Variants in GLT8D2 observed in about 807,000 individuals in gnomAD.
GLT8D2 encodes glycosyltransferase 8 domain-containing protein 2.
Under a neutral mutation model 44.5 loss-of-function variants are expected in GLT8D2, and 45 were observed. That is an observed-to-expected ratio of 1.01 (90% CI 0.80 to 1.30). The LOEUF (loss-of-function observed/expected upper bound fraction) is 1.30, where lower values mean the gene tolerates loss of function less well. Ranked by LOEUF, GLT8D2 falls within the 50% of genes most tolerant of loss-of-function variation. The pLI is 0.00. For synonymous variants in GLT8D2, 156 were observed against 157.2 expected, an observed-to-expected ratio of 0.99 and a Z score of 0.06; for missense variants, 400 against 430.4, an observed-to-expected ratio of 0.93 and a Z score of 0.62.
rs890911570 is a variant in GLT8D2 at position 104,002,209 on chromosome 12, T to C, written c.284+926A>G. On this transcript the variant is annotated intron_variant, in intron 5 of 10. Transcript: ENST00000360814. ...CCTGATCCCAAGTCATCCTTTTTCCTTGGCTTCCCAAAGTGTTGGAAATAT... is the reference window on the plus strand; with the variant it reads ...CCTGATCCCAAGTCATCCTTTTTCCCTGGCTTCCCAAAGTGTTGGAAATAT... 3.3e-5 allele frequency among the ~76,000 whole-genome samples: 5 copies of C among 152,334 alleles called. No homozygotes were observed. The East Asian group carries it at 9.6e-4, about 29-fold the overall frequency.
At chr12:104,037,869 T>C (rs942855692) in intron 1 of GLT8D2, among the ~76,000 whole-genome samples, 4 of 152,190 alleles carry the variant, frequency 2.6e-5, no homozygotes, top group Non-Finnish European at 5.9e-5. Context: ...CCAATATCCC[T>C]TATGAACATC....
rs543424156 is a variant in GLT8D2, at chr12:103,996,939, A to G, written c.488-92T>C. 131 of 770,242 alleles carry G rather than the reference A, an allele frequency of 1.7e-4. 1 individual carries two copies. In the South Asian group the frequency reaches 2.1e-3, roughly 12 times the overall value. 47.7% of individuals were successfully genotyped at this position (770,242 alleles called of 1,614,324 possible). A position where few individuals can be genotyped will look rare whatever the true frequency, so the allele number is the denominator to read the frequency against. On this transcript the variant is annotated intron_variant, in intron 7 of 10. Transcript: ENST00000360814. ...AGCTTAAACAGCTCTTGATTTTGCT[A>G]TGGGAGAAGAGTATTGGATCCCTGA...
chr12:104,026,221 G>A (rs1420498148), intron 1 of GLT8D2, among the ~76,000 whole-genome samples: 1 of 149,998 alleles, frequency 6.7e-6, no homozygotes, highest in East Asian at 2.0e-4. Context: ...GGGGGTTGCA[G>A]TGAGCCGAGA....
rs11340919 is a variant in GLT8D2, at chr12:103,991,823, TAAAA to T, written c.880+1565_880+1568del. Reference sequence around the variant, plus strand: ...ACTCAGCCTCCACAATTACGTCCTTTAAAAAAAAAAAAAAAAAAAAAAGATTATG... The same window carrying T: ...ACTCAGCCTCCACAATTACGTCCTTTAAAAAAAAAAAAAAAAAAGATTATG... On this transcript the variant is annotated intron_variant, in intron 10 of 10. Coordinates refer to ENST00000360814, the MANE Select transcript of GLT8D2 (RefSeq NM_001384711.1). Among the ~76,000 whole-genome samples, 2,596 of 123,154 alleles carry T rather than the reference TAAAA, an allele frequency of 0.021. 216 individuals carry two copies. In the East Asian group the frequency reaches 0.3, roughly 14 times the overall value. The allele number at this position is 123,154 out of a possible 152,430, so 80.8% of individuals were successfully genotyped here. A position where few individuals can be genotyped will look rare whatever the true frequency, so the allele number is the denominator to read the frequency against.
At chr12:104,053,501 A>G (rs1881892741), upstream of GLT8D2, among the ~76,000 whole-genome samples, 1 of 152,094 alleles carries the variant, frequency 6.6e-6, no homozygotes, top group South Asian at 2.1e-4. Context: ...TACTAATAGG[A>G]CTCTTGTGTG....
In GLT8D2 at chr12:104,010,711, G is replaced by A. The variant is rs371810594; in HGVS notation, c.112+4302C>T. ...TGAGCACTTGCCACAATGCCTGGAA[G>A]AATCTATTTATGTGTCTGTCTCCTC... is the stretch of plus-strand genomic sequence containing the variant. On this transcript the variant is annotated intron_variant, in intron 4 of 10. Coordinates refer to ENST00000360814, the MANE Select transcript of GLT8D2 (RefSeq NM_001384711.1). Among the ~76,000 whole-genome samples, 3 of 152,312 alleles carry A rather than the reference G, an allele frequency of 2.0e-5. No individual in the cohort carries two copies. In the South Asian group the frequency reaches 6.2e-4, roughly 32 times the overall value.
upstream of GLT8D2, among the ~76,000 whole-genome samples, chr12:104,054,238 G>T (rs547811263): frequency 1.3e-5 from 2 of 152,170 alleles, no homozygotes; most frequent in South Asian, 4.1e-4. Flanking sequence ...GACTTTCTTA[G>T]ATTACAAATA....
intron 3 of GLT8D2, among the ~76,000 whole-genome samples, chr12:104,017,940 G>C (rs977992950): frequency 6.6e-6 from 1 of 152,008 alleles, no homozygotes; most frequent in African/African-American, 2.4e-5. Context: ...CTTTACAAAT[G>C]GTTATGCATC....
At chr12:104,038,401 G>A (rs904264953) in intron 1 of GLT8D2, among the ~76,000 whole-genome samples, 4 of 152,164 alleles carry the variant, frequency 2.6e-5, no homozygotes, top group Non-Finnish European at 4.4e-5. Flanking sequence ...AAACCCCATC[G>A]TCTCAGCCCA....
At position 104,016,894 on chromosome 12, in the gene GLT8D2, G is replaced by GAGAA. The variant is rs1191396247; in HGVS notation, c.20-1793_20-1790dup. On this transcript the variant is annotated intron_variant, in intron 3 of 10. Transcript: ENST00000360814. The stretch of plus-strand genomic sequence containing the variant: ...AGAAAGAAAGAAAGAAAAATAAAGA[G>GAGAA]AGAAAGAAAGAAAGGAAGAAAGAAA... Among the ~76,000 whole-genome samples, 4 of 137,574 alleles carry GAGAA rather than the reference G, an allele frequency of 2.9e-5. No individual in the cohort carries two copies. In the South Asian group the frequency reaches 9.7e-4, roughly 33 times the overall value. The allele number at this position is 137,574 out of a possible 152,430, so 90.3% of individuals were successfully genotyped here.
intron 1 of GLT8D2, among the ~76,000 whole-genome samples, chr12:104,025,095 G>A (rs1878414908): frequency 6.8e-6 from 1 of 146,906 alleles, no homozygotes; most frequent in Non-Finnish European, 1.5e-5. Context: ...AAAAAGCCCT[G>A]TGTTACGCGA....
rs139106788 is a variant in GLT8D2, at chr12:103,994,291, T to C, written c.767+44A>G. 4.0e-4 allele frequency: 618 copies of C among 1,540,790 alleles called. 7 individuals carry two copies. The African/African-American group carries it at 7.7e-3, about 19-fold the overall frequency. Reference sequence around the variant, plus strand: ...TGTGTGGAAAATTAATTGAATGATTTTGTTTCCAAGCATGGAAAAAATGGT... The same window carrying C: ...TGTGTGGAAAATTAATTGAATGATTCTGTTTCCAAGCATGGAAAAAATGGT... On this transcript the variant is annotated intron_variant, in intron 9 of 10. Transcript: ENST00000360814.
chr12:104,016,937 A>T (rs1027403931), intron 3 of GLT8D2, among the ~76,000 whole-genome samples: 1 of 152,226 alleles, frequency 6.6e-6, no homozygotes, highest in African/African-American at 2.4e-5. Context: ...TTGCCCTGGT[A>T]AACAGAAGAC....
At chr12:104,014,748 C>T (rs1370119233) in intron 4 of GLT8D2, among the ~76,000 whole-genome samples, 1 of 152,246 alleles carries the variant, frequency 6.6e-6, no homozygotes, top group Non-Finnish European at 1.5e-5. Flanking sequence ...ACCATACCTA[C>T]TGATCCTACA....
intron 8 of GLT8D2, among the ~76,000 whole-genome samples, chr12:103,994,752 A>G (rs1873200856): frequency 6.6e-6 from 1 of 152,176 alleles, no homozygotes; most frequent in Non-Finnish European, 1.5e-5. Context: ...AGCCTTGTCC[A>G]GTCTCATGGC....
intron 1 of GLT8D2, among the ~76,000 whole-genome samples, chr12:104,024,612 AT>A (rs2136400037): frequency 1.3e-5 from 2 of 152,066 alleles, no homozygotes; most frequent in East Asian, 3.9e-4. Context: ...TTGCATTGTG[AT>A]TTTAATTTGC....
intron 5 of GLT8D2, among the ~76,000 whole-genome samples, chr12:104,001,639 A>G (rs1874230355): frequency 6.6e-6 from 1 of 152,224 alleles, no homozygotes; most frequent in South Asian, 2.1e-4. Flanking sequence ...CAACAATGCA[A>G]AAATGTTTCA....
At chr12:104,009,491 T>C (rs1461874149) in intron 4 of GLT8D2, among the ~76,000 whole-genome samples, 2 of 152,260 alleles carry the variant, frequency 1.3e-5, no homozygotes, top group African/African-American at 4.8e-5. Flanking sequence ...TACAGGCTCA[T>C]AGGCAGAAGG....
chr12:104,044,435 A>C (rs1230411126), intron 1 of GLT8D2, among the ~76,000 whole-genome samples: 1 of 152,230 alleles, frequency 6.6e-6, no homozygotes, highest in South Asian at 2.1e-4. Flanking sequence ...TGGCAATATA[A>C]GCCCTCAGAA....
Sources: gnomAD v4.1 joint callset for allele counts (sites outside exome capture counted in the v4.1 genomes callset) on GRCh38, gnomAD v4.1.1 for gene constraint, MANE v1.5 for transcripts, NCBI Gene and HGNC (gene_info 2026-07-23, HGNC 2026-07-21) for gene names.